The following REV3L variants were observed in gnomAD, a reference collection of about 807,000 sequenced individuals.
REV3L encodes the protein REV3 like, DNA directed polymerase zeta catalytic subunit, also known as DNA polymerase zeta catalytic subunit.
A neutral mutation model predicts 299.4 loss-of-function variants in REV3L; 69 were observed. The observed-to-expected ratio is 0.23, with a 90% CI of 0.19 to 0.28. The LOEUF is 0.28. Among genes scored for constraint, REV3L ranks in the 10% least tolerant of loss-of-function variants. The pLI is 1.00. For synonymous variants in REV3L, 1,238 were observed against 1,271.4 expected, an observed-to-expected ratio of 0.97 and a Z score of 0.56; for missense variants, 3,128 against 3,693.8, an observed-to-expected ratio of 0.85 and a Z score of 3.97.
chr6:111,342,331 G>C (rs1241443334), intron 21 of REV3L, among the ~76,000 whole-genome samples: 1 of 152,120 alleles, frequency 6.6e-6, no homozygotes, highest in Non-Finnish European at 1.5e-5. Context: ...GAGGTCTGTT[G>C]CCTCTGTGGG....
intron 31 of REV3L, among the ~76,000 whole-genome samples, chr6:111,305,126 A>G (rs896092816): frequency 6.6e-6 from 1 of 151,514 alleles, no homozygotes; most frequent in East Asian, 1.9e-4. Flanking sequence ...TTTTTAGTAG[A>G]GATGGAATTT....
At position 111,336,011 on chromosome 6, in the gene REV3L, G is replaced by T. The variant is rs17539978; in HGVS notation, c.7539-401C>A. Among the ~76,000 whole-genome samples the T allele has an allele frequency of 1.9e-3, 291 of 150,808 alleles. 1 individual carries two copies. The highest frequency in any genetic ancestry group is 6.7e-3 in the African/African-American group (275 of 41,230). ...TATAGATTTTTAAAGAACATGAAGG[G>T]TCTGGGTTATCATTGTAAGTCTAAA... On this transcript the variant is annotated intron_variant, in intron 21 of 31. Transcript: ENST00000368802.
chr6:111,309,756 C>A, intron 30 of REV3L, 97 bp downstream of exon 30: 2 of 1,366,178 alleles, frequency 1.5e-6, no homozygotes, highest in Admixed American at 4.3e-5. Context: ...CTTCCCAGCA[C>A]TCCCATATCA....
intron 1 of REV3L, among the ~76,000 whole-genome samples, chr6:111,478,547 A>G (rs1793218343): frequency 6.6e-6 from 1 of 151,958 alleles, no homozygotes; most frequent in Admixed American, 6.6e-5. Context: ...AGCAGATTCT[A>G]TTAGAGAAAC....
At chr6:111,437,774 T>C (rs923528329) in intron 1 of REV3L, among the ~76,000 whole-genome samples, 1 of 152,118 alleles carries the variant, frequency 6.6e-6, no homozygotes, top group African/African-American at 2.4e-5. Flanking sequence ...GCGCTTATGG[T>C]TGCACAACTC....
intron 1 of REV3L, among the ~76,000 whole-genome samples, chr6:111,445,954 A>G (rs768491841): frequency 7.2e-5 from 11 of 152,224 alleles, no homozygotes; most frequent in African/African-American, 9.6e-5. Flanking sequence ...GATTCATGGT[A>G]AAGAGAAAGA....
chr6:111,371,004 A>C (rs1179769792), intron 13 of REV3L, among the ~76,000 whole-genome samples: 1 of 151,530 alleles, frequency 6.6e-6, no homozygotes, highest in Non-Finnish European at 1.5e-5. Context: ...GGAACATGGT[A>C]CTGCCACAGG....
Position 111,389,154 on chromosome 6 carries a change from G to A in REV3L, c.814C>T (p.Arg272Ter). The A allele has an allele frequency of 1.2e-6, 2 of 1,613,662 alleles. No homozygotes were observed. Among genetic ancestry groups the A allele is most frequent in the Non-Finnish European group, 1.7e-6 (2 of 1,179,834 alleles). ...TGAGAAGTTTCATTTCTGTTTCTTC[G>A]CCGTTGCTTTTCATCTTCCCATATG... ...QAIWEDEKQR[R>*]RNRNETSQMS... Residue 272 changes from arginine (R) to a stop codon, truncating the protein, a stop_gained, in exon 7 of 32, where the codon CGA (arginine) becomes TGA (stop). Coordinates refer to ENST00000368802, the MANE Select transcript of REV3L (RefSeq NM_001372078.1). LOFTEE classifies it high-confidence loss of function.
intron 4 of REV3L, among the ~76,000 whole-genome samples, chr6:111,400,084 G>C (rs1361405151): frequency 6.6e-6 from 1 of 152,242 alleles, no homozygotes; most frequent in African/African-American, 2.4e-5. Flanking sequence ...CATGTTATAT[G>C]AATCAATTGT....
At chr6:111,351,191 A>T (rs932513972) in intron 19 of REV3L, among the ~76,000 whole-genome samples, 1 of 152,152 alleles carries the variant, frequency 6.6e-6, no homozygotes, top group Admixed American at 6.5e-5. Context: ...ATGATTAGTT[A>T]ACTACTAGTG....
intron 15 of REV3L, 42 bp from the exon 16 acceptor site, chr6:111,364,020 C>T: frequency 1.9e-6 from 3 of 1,566,372 alleles, no homozygotes; most frequent in Non-Finnish European, 2.6e-6. Context: ...GAAAAAGATA[C>T]ATGAGCAATC....
intron 4 of REV3L, among the ~76,000 whole-genome samples, chr6:111,399,503 C>T (rs1372429842): frequency 6.6e-6 from 1 of 152,220 alleles, no homozygotes; most frequent in East Asian, 1.9e-4. Context: ...GTTCCAGGAT[C>T]CAATCTAGGA....
rs1391286510 is a variant in REV3L, at chr6:111,326,803, C to T, written c.8241+2729G>A. ...CATAAAAAAGAATGAAGCCATCTGCCCTTTAAAAAAAAAAAAAGTGGCTGA... is the reference window on the plus strand; with the variant it reads ...CATAAAAAAGAATGAAGCCATCTGCTCTTTAAAAAAAAAAAAAGTGGCTGA... On this transcript the variant is annotated intron_variant, in intron 25 of 31. Transcript: ENST00000368802. 3.4e-5 allele frequency among the ~76,000 whole-genome samples: 5 copies of T among 146,512 alleles called. No individual in the cohort carries two copies. The East Asian group carries it at 9.7e-4, about 28-fold the overall frequency.
At chr6:111,388,645 G>C (rs1324505310) in intron 7 of REV3L, among the ~76,000 whole-genome samples, 2 of 152,076 alleles carry the variant, frequency 1.3e-5, no homozygotes, top group Non-Finnish European at 2.9e-5. Flanking sequence ...TGTTTCTTTA[G>C]AGCTGTACAT....
chr6:111,436,123 A>G (rs1402414206), intron 1 of REV3L, among the ~76,000 whole-genome samples: 1 of 152,240 alleles, frequency 6.6e-6, no homozygotes, highest in African/African-American at 2.4e-5. Flanking sequence ...CACCCCAGTT[A>G]GAATGGCTTT....
chr6:111,307,158 TA>T (rs1005617215), intron 31 of REV3L, among the ~76,000 whole-genome samples: 4 of 151,688 alleles, frequency 2.6e-5, no homozygotes, highest in South Asian at 2.1e-4. Context: ...CACTATTCCA[TA>T]AAAAAAACAA....
chr6:111,374,242 A>G lies in REV3L; in HGVS notation c.4113T>C (p.Asn1371=), dbSNP rs777142750. The G allele has an allele frequency of 5.0e-6, 8 of 1,613,440 alleles. No homozygotes were observed. The African/African-American group carries it at 9.3e-5, about 19-fold the overall frequency. Residue 1371 remains asparagine (N), a synonymous_variant, in exon 13 of 32, where the codon AAT becomes AAC. Coordinates refer to ENST00000368802, the MANE Select transcript of REV3L (RefSeq NM_001372078.1). ...LSNHLSQVAQ[N]TQISSGMSSK... ...AGGACATACCAGAAGATATCTGTGTATTCTGTGCTACCTGAGATAAATGAT... is the reference window on the plus strand; with the variant it reads ...AGGACATACCAGAAGATATCTGTGTGTTCTGTGCTACCTGAGATAAATGAT...
At chr6:111,317,312 T>C (rs1487017914) in intron 26 of REV3L, among the ~76,000 whole-genome samples, 4 of 152,226 alleles carry the variant, frequency 2.6e-5, no homozygotes, top group Non-Finnish European at 5.9e-5. Flanking sequence ...TCAACTCTAC[T>C]AAAAGTCTTT....
At chr6:111,451,056 T>C (rs1274938510) in intron 1 of REV3L, among the ~76,000 whole-genome samples, 1 of 152,228 alleles carries the variant, frequency 6.6e-6, no homozygotes, top group African/African-American at 2.4e-5. Context: ...TTCACAGTTC[T>C]TCATGAAGTG....
Sources: allele counts gnomAD v4.1 joint callset (sites outside exome capture counted in the v4.1 genomes callset), GRCh38; gene constraint gnomAD v4.1.1; transcripts MANE v1.5; gene names NCBI Gene and HGNC (gene_info 2026-07-23, HGNC 2026-07-21).